GRM8: variants seen among roughly 807,000 people sequenced by gnomAD.
GRM8 encodes the protein metabotropic glutamate receptor 8.
A neutral mutation model predicts 87.2 loss-of-function variants in GRM8; 47 were observed. The observed-to-expected ratio is 0.54, with a 90% CI of 0.43 to 0.69. The LOEUF (loss-of-function observed/expected upper bound fraction) is 0.69. Among genes scored for constraint, GRM8 ranks in the 30% least tolerant of loss-of-function variants. GRM8 has a pLI of 0.00. For synonymous variants in GRM8, 396 were observed against 404.5 expected (o/e 0.98, Z 0.25); for missense variants, 1,019 against 1,139.2 (o/e 0.89, Z 1.52).
intron 2 of GRM8, chr7:127,118,257 G>C (rs1826819282): frequency 6.6e-6 from 1 of 152,210 alleles, no homozygotes; most frequent in African/African-American, 2.4e-5. Flanking sequence ...AGACCAAAAA[G>C]CTGATTTCAT....
intron 3 of GRM8, among the ~76,000 whole-genome samples, chr7:127,054,604 C>G: frequency 6.6e-6 from 1 of 152,122 alleles, no homozygotes; most frequent in Admixed American, 6.6e-5. Flanking sequence ...ACTAGTAACT[C>G]GTTGAACATT....
At chr7:126,748,886 G>A (rs1816040300) in intron 7 of GRM8, among the ~76,000 whole-genome samples, 1 of 151,960 alleles carries the variant, frequency 6.6e-6, no homozygotes, top group Non-Finnish European at 1.5e-5. Flanking sequence ...AATACAATGG[G>A]AGACAGTCTT....
At chr7:126,509,237 G>A (rs1206591375) in intron 9 of GRM8, among the ~76,000 whole-genome samples, 1 of 152,020 alleles carries the variant, frequency 6.6e-6, no homozygotes, top group East Asian at 1.9e-4. Flanking sequence ...GAAATAGGTA[G>A]GTTATTGCTG....
intron 7 of GRM8, among the ~76,000 whole-genome samples, chr7:126,745,549 G>A (rs542340234): frequency 5.9e-5 from 9 of 151,436 alleles, no homozygotes; most frequent in East Asian, 5.8e-4. Context: ...TTATTCAATC[G>A]CATCTGCTCA....
At chr7:127,092,423 C>T (rs890239033) in intron 3 of GRM8, among the ~76,000 whole-genome samples, 18 of 152,180 alleles carry the variant, frequency 1.2e-4, no homozygotes, top group Admixed American at 6.5e-4. Context: ...TGGCTGGGCA[C>T]GGTGGCCCAC....
intron 2 of GRM8, among the ~76,000 whole-genome samples, chr7:127,178,029 G>A (rs184924362): frequency 6.6e-6 from 1 of 152,264 alleles, no homozygotes; most frequent in East Asian, 1.9e-4. Context: ...AAAGAACTCA[G>A]GAGTTTAGTT....
chr7:126,838,208 G>C (rs1044055329), intron 6 of GRM8, among the ~76,000 whole-genome samples: 19 of 152,050 alleles, frequency 1.2e-4, no homozygotes, highest in Non-Finnish European at 2.6e-4. Flanking sequence ...TGCAGTAATA[G>C]TTACATGACA....
At position 126,618,316 on chromosome 7, in the gene GRM8, C is replaced by A. The variant is rs559667546; in HGVS notation, c.1358-8818G>T. ...TAATAAATGGTGCTGGGAAAACTGG[C>A]TAGCCATATGTAGAAAGCTCAAACT... On this transcript the variant is annotated intron_variant, in intron 7 of 10. Coordinates refer to ENST00000339582, the MANE Select transcript of GRM8 (RefSeq NM_000845.3). 8.5e-4 allele frequency among the ~76,000 whole-genome samples: 130 copies of A among 152,270 alleles called. 1 individual carries two copies. The highest frequency in any genetic ancestry group is 3.4e-3 in the Middle Eastern group (1 of 294).
intron 8 of GRM8, among the ~76,000 whole-genome samples, chr7:126,575,274 T>G (rs142510454): frequency 6.6e-6 from 1 of 151,088 alleles, no homozygotes; most frequent in Non-Finnish European, 1.5e-5. Context: ...ATACTTGTTA[T>G]GAGAATCTAA....
At chr7:126,451,617 C>T (rs1223200719) in intron 9 of GRM8, among the ~76,000 whole-genome samples, 1 of 151,768 alleles carries the variant, frequency 6.6e-6, no homozygotes, top group Admixed American at 6.6e-5. Flanking sequence ...TCTCCAATGA[C>T]TTCCCATTGA....
chr7:127,094,292 G>A (rs1824435034), intron 3 of GRM8, among the ~76,000 whole-genome samples: 1 of 152,176 alleles, frequency 6.6e-6, no homozygotes, highest in Non-Finnish European at 1.5e-5. Context: ...CTGAGCATGG[G>A]AGAGAAGCAC....
At chr7:126,585,922 T>G (rs1796072033) in intron 8 of GRM8, among the ~76,000 whole-genome samples, 2 of 152,074 alleles carry the variant, frequency 1.3e-5, no homozygotes, top group South Asian at 4.1e-4. Context: ...GATTGTGTAT[T>G]TAGAAAACCC....
Position 126,904,630 on chromosome 7 carries a change from C to A in GRM8, c.781G>T (p.Glu261Ter), listed in dbSNP as rs1802494559. Residue 261 changes from glutamate to a stop codon, truncating the protein, a stop_gained, in exon 4 of 11, where the codon GAA (glutamate) becomes TAA (stop). Coordinates refer to ENST00000339582, the MANE Select transcript of GRM8 (RefSeq NM_000845.3). LOFTEE classifies it high-confidence loss of function. The part of the protein sequence containing the change: ...QKIPREPRPG[E>*]FEKIIKRLLE... ...AGGCGTTTGATAATTTTTTCAAATT[C>A]TCCAGGTCTTGGTTCACGTGGGATT... 6.2e-7 allele frequency: 1 copy of A among 1,613,686 alleles called. No homozygotes were observed.
intron 2 of GRM8, among the ~76,000 whole-genome samples, chr7:127,232,620 A>G (rs184338570): frequency 6.6e-6 from 1 of 152,302 alleles, no homozygotes; most frequent in East Asian, 1.9e-4. Flanking sequence ...AAATAGGGCA[A>G]GTCAGTCTGA....
intron 2 of GRM8, among the ~76,000 whole-genome samples, chr7:127,145,968 T>C (rs1417189831): frequency 6.6e-6 from 1 of 152,024 alleles, no homozygotes; most frequent in Non-Finnish European, 1.5e-5. Context: ...GAAACACTTT[T>C]TTTGGTCTCT....
At chr7:127,142,082 A>G (rs1302927431) in intron 2 of GRM8, among the ~76,000 whole-genome samples, 2 of 152,016 alleles carry the variant, frequency 1.3e-5, no homozygotes, top group Non-Finnish European at 1.5e-5. Context: ...TCCCAGGCTC[A>G]AGCAATCCTC....
chr7:126,721,276 G>T (rs1299070937), intron 7 of GRM8, among the ~76,000 whole-genome samples: 1 of 152,088 alleles, frequency 6.6e-6, no homozygotes, highest in Non-Finnish European at 1.5e-5. Flanking sequence ...TTTCAATTCA[G>T]ACCCAAACAC....
intron 6 of GRM8, among the ~76,000 whole-genome samples, chr7:126,800,866 T>A (rs1020592776): frequency 6.6e-6 from 1 of 152,142 alleles, no homozygotes; most frequent in Non-Finnish European, 1.5e-5. Context: ...ATAAAACTTG[T>A]AAAATATTTT....
chr7:126,665,065 A>G (rs1805615251), intron 7 of GRM8, among the ~76,000 whole-genome samples: 1 of 152,216 alleles, frequency 6.6e-6, no homozygotes. Context: ...TACATGAGAT[A>G]CCATCTCACA....
Sources: gnomAD v4.1 joint callset for allele counts (sites outside exome capture counted in the v4.1 genomes callset) on GRCh38, gnomAD v4.1.1 for gene constraint, MANE v1.5 for transcripts, NCBI Gene and HGNC (gene_info 2026-07-23, HGNC 2026-07-21) for gene names.